The following CELF4 variants were observed in gnomAD, a reference collection of about 807,000 sequenced individuals.
CELF4 encodes CUGBP Elav-like family member 4.
In CELF4, 18 loss-of-function variants were observed where a neutral mutation model predicts 59.9. The observed-to-expected ratio is 0.30, with a 90% CI of 0.21 to 0.45. The LOEUF (loss-of-function observed/expected upper bound fraction) is 0.45, where lower values mean the gene tolerates loss of function less well. CELF4 is among the 20% of genes least tolerant of loss of function. CELF4 has a pLI of 1.00. For synonymous variants in CELF4, 261 were observed against 267.1 expected, an observed-to-expected ratio of 0.98 and a Z score of 0.22; for missense variants, 456 against 689.0, an observed-to-expected ratio of 0.66 and a Z score of 3.79.
intron 2 of CELF4, among the ~76,000 whole-genome samples, chr18:37,394,254 G>C (rs1033570065): frequency 6.6e-6 from 1 of 152,218 alleles, no homozygotes; most frequent in Non-Finnish European, 1.5e-5. Flanking sequence ...CGGAGGGCGC[G>C]GGCAGCGCAG....
chr18:37,486,790 A>G (rs1282231274), intron 1 of CELF4, among the ~76,000 whole-genome samples: 1 of 152,102 alleles, frequency 6.6e-6, no homozygotes, highest in Non-Finnish European at 1.5e-5. Flanking sequence ...CACATCCCCA[A>G]CAACCTGTGT....
At chr18:37,334,192 C>G (rs1315507816) in intron 2 of CELF4, among the ~76,000 whole-genome samples, 1 of 152,200 alleles carries the variant, frequency 6.6e-6, no homozygotes, top group Non-Finnish European at 1.5e-5. Flanking sequence ...ATTTCTAGCC[C>G]CAACTCATCT....
intron 2 of CELF4, among the ~76,000 whole-genome samples, chr18:37,358,382 G>A (rs1175548424): frequency 6.6e-6 from 1 of 152,202 alleles, no homozygotes; most frequent in Admixed American, 6.5e-5. Context: ...CGCCATGATT[G>A]TGAGGCTTCC....
At chr18:37,525,150 C>G (rs975763270) in intron 1 of CELF4, among the ~76,000 whole-genome samples, 3 of 152,138 alleles carry the variant, frequency 2.0e-5, no homozygotes, top group African/African-American at 7.2e-5. Flanking sequence ...CTCCGGTTCC[C>G]TATCCCCTGG....
intron 3 of CELF4, among the ~76,000 whole-genome samples, chr18:37,280,046 C>T (rs1374443303): frequency 1.3e-5 from 2 of 152,164 alleles, no homozygotes; most frequent in Non-Finnish European, 2.9e-5. Flanking sequence ...GGCAACAGGA[C>T]GTAGGTGCTC....
chr18:37,271,151 C>T (rs572921889), intron 7 of CELF4, among the ~76,000 whole-genome samples: 35 of 152,174 alleles, frequency 2.3e-4, no homozygotes, highest in Admixed American at 1.2e-3. Context: ...CAAATTCCAC[C>T]TGCCCAAATA....
chr18:37,332,762 G>A (rs1023524434), intron 2 of CELF4, among the ~76,000 whole-genome samples: 1 of 152,194 alleles, frequency 6.6e-6, no homozygotes, highest in Non-Finnish European at 1.5e-5. Flanking sequence ...GGAAGGACAC[G>A]ATGAAAATCA....
rs1200120632 is a variant in CELF4, at chr18:37,499,773, C to CT, written c.287-14167dup. Among the ~76,000 whole-genome samples, 4 of 152,140 alleles carry CT rather than the reference C, an allele frequency of 2.6e-5. No individual in the cohort carries two copies. The South Asian group carries it at 8.3e-4, about 32-fold the overall frequency. ...ATAGGTCTCTCTGGGCTTCAGTTTC[C>CT]TTTTTTGTAAAGTGGGTTTGATGAT... On this transcript the variant is annotated intron_variant, in intron 1 of 12. Transcript: ENST00000420428.
At chr18:37,479,465 C>T (rs1301239300) in intron 2 of CELF4, among the ~76,000 whole-genome samples, 2 of 152,190 alleles carry the variant, frequency 1.3e-5, no homozygotes, top group African/African-American at 4.8e-5. Flanking sequence ...GGCCTCTACC[C>T]ATTAGATGCC....
chr18:37,543,582 A>G (rs983313347), intron 1 of CELF4, among the ~76,000 whole-genome samples: 1 of 152,176 alleles, frequency 6.6e-6, no homozygotes, highest in East Asian at 1.9e-4. Context: ...GTGGGTGAGC[A>G]AGAACGCAGC....
chr18:37,403,170 G>C (rs1055124137), intron 2 of CELF4, among the ~76,000 whole-genome samples: 2 of 151,968 alleles, frequency 1.3e-5, no homozygotes, highest in Admixed American at 6.6e-5. Context: ...GCTGGGGTTG[G>C]GGGAGGGCGG....
intron 2 of CELF4, among the ~76,000 whole-genome samples, chr18:37,427,738 G>T (rs2099622982): frequency 6.6e-6 from 1 of 152,296 alleles, no homozygotes; most frequent in African/African-American, 2.4e-5. Context: ...ACCTTCCTCG[G>T]CCTTGATCAC....
chr18:37,474,951 G>C lies in CELF4; in HGVS notation c.369+10574C>G, dbSNP rs1478536597. 4.6e-5 allele frequency among the ~76,000 whole-genome samples: 7 copies of C among 152,336 alleles called. 1 individual carries two copies. In the Middle Eastern group the frequency reaches 0.014, roughly 296 times the overall value. Reference sequence around the variant, plus strand: ...AGCAAGCCAGAAAAGCTAGAAAGCGGAAGACCCCTGGGCACAACCTCGGCC... The same window carrying C: ...AGCAAGCCAGAAAAGCTAGAAAGCGCAAGACCCCTGGGCACAACCTCGGCC... On this transcript the variant is annotated intron_variant, in intron 2 of 12. Coordinates refer to ENST00000420428, the MANE Select transcript of CELF4 (RefSeq NM_020180.4).
intron 2 of CELF4, among the ~76,000 whole-genome samples, chr18:37,325,355 G>A (rs1283623828): frequency 1.3e-5 from 2 of 152,226 alleles, no homozygotes; most frequent in Admixed American, 6.5e-5. Context: ...AGCAGCTGGG[G>A]TGAGTCCTGC....
chr18:37,507,917 AC>A (rs1162720340), intron 1 of CELF4, among the ~76,000 whole-genome samples: 1 of 152,022 alleles, frequency 6.6e-6, no homozygotes, highest in African/African-American at 2.4e-5. Context: ...CGAGCCAGAA[AC>A]CCAGCAGTTC....
At chr18:37,362,351 C>A (rs2154560616) in intron 2 of CELF4, among the ~76,000 whole-genome samples, 1 of 152,326 alleles carries the variant, frequency 6.6e-6, no homozygotes, top group South Asian at 2.1e-4. Flanking sequence ...GCATCACTCC[C>A]CGGCGGCAGC....
intron 3 of CELF4, among the ~76,000 whole-genome samples, chr18:37,283,744 G>T (rs1245097533): frequency 6.6e-6 from 1 of 151,858 alleles, no homozygotes; most frequent in Non-Finnish European, 1.5e-5. Context: ...GATGAGCCCT[G>T]TAGGTATGAG....
At chr18:37,492,244 C>T (rs545002637) in intron 1 of CELF4, among the ~76,000 whole-genome samples, 3 of 152,178 alleles carry the variant, frequency 2.0e-5, no homozygotes, top group East Asian at 3.9e-4. Context: ...ACCTAGGGGC[C>T]GAGGAAGGGG....
intron 3 of CELF4, among the ~76,000 whole-genome samples, chr18:37,280,472 C>A (rs2093989876): frequency 6.6e-6 from 1 of 152,096 alleles, no homozygotes; most frequent in South Asian, 2.1e-4. Flanking sequence ...GTCTATGGGC[C>A]CAGAGCCTCT....
Sources: gnomAD v4.1 joint callset for allele counts (sites outside exome capture counted in the v4.1 genomes callset) on GRCh38, gnomAD v4.1.1 for gene constraint, MANE v1.5 for transcripts, NCBI Gene and HGNC (gene_info 2026-07-23, HGNC 2026-07-21) for gene names.